The following RNF182 variants were observed in gnomAD, a reference collection of about 807,000 sequenced individuals.
The protein encoded by RNF182 is ring finger protein 182, also known as E3 ubiquitin-protein ligase RNF182.
RNF182 carries 15 observed loss-of-function variants against 14.4 expected under a neutral mutation model. The observed-to-expected ratio is 1.04, with a 90% CI of 0.70 to 1.60. RNF182 has a LOEUF of 1.60. Among genes scored for constraint, RNF182 ranks in the 40% most tolerant of loss-of-function variants. RNF182 has a pLI of 0.00. For synonymous variants in RNF182, 128 were observed against 122.9 expected (o/e 1.04, Z -0.27); for missense variants, 268 against 294.8 (o/e 0.91, Z 0.67).
intron 1 of RNF182, among the ~76,000 whole-genome samples, chr6:13,955,720 T>G (rs1335166477): frequency 1.3e-5 from 2 of 152,160 alleles, no homozygotes; most frequent in African/African-American, 2.4e-5. Context: ...GTGGTCTCTG[T>G]CTGCAGCTTT....
In RNF182 at chr6:13,976,905, A is replaced by T; in HGVS notation, c.-211-4A>T. The T allele has an allele frequency of 1.8e-6, 1 of 570,404 alleles. No individual in the cohort carries two copies. Among genetic ancestry groups the T allele is most frequent in the Non-Finnish European group, 3.1e-6 (1 of 322,830 alleles). 35.3% of individuals were successfully genotyped at this position (570,404 alleles called of 1,614,324 possible). A position where few individuals can be genotyped will look rare whatever the true frequency, so the allele number is the denominator to read the frequency against. ...TATATTAGAATCTCTTTTCTTCTTTACAGACCCTTCATGTGGCCTTTATAA... is the reference window on the plus strand; with the variant it reads ...TATATTAGAATCTCTTTTCTTCTTTTCAGACCCTTCATGTGGCCTTTATAA... On this transcript the variant is annotated splice_region_variant and splice_polypyrimidine_tract_variant and intron_variant, in intron 2 of 2. Coordinates refer to ENST00000488300, the MANE Select transcript of RNF182 (RefSeq NM_152737.4).
intron 1 of RNF182, among the ~76,000 whole-genome samples, chr6:13,966,773 C>G (rs1227126250): frequency 7.2e-6 from 1 of 139,676 alleles, no homozygotes; most frequent in South Asian, 2.7e-4. Context: ...CACCCCCCCA[C>G]CCCCCCACCA....
intron 1 of RNF182, among the ~76,000 whole-genome samples, chr6:13,933,894 T>C (rs963216587): frequency 6.6e-6 from 1 of 152,138 alleles, no homozygotes; most frequent in Admixed American, 6.5e-5. Flanking sequence ...GGCATGCGCC[T>C]GTAGTCCCAG....
At chr6:13,947,060 T>TAAAC (rs35099036) in intron 1 of RNF182, among the ~76,000 whole-genome samples, 89,630 of 128,804 alleles carry the variant, frequency 0.7, 29,263 homozygotes, top group Non-Finnish European at 0.78. Context: ...TTGTCTAAAA[T>TAAAC]TAAATAAGAG....
At chr6:13,948,866 T>C (rs1476470033) in intron 1 of RNF182, among the ~76,000 whole-genome samples, 2 of 152,094 alleles carry the variant, frequency 1.3e-5, no homozygotes, top group African/African-American at 4.8e-5. Flanking sequence ...TTTTTTTTCT[T>C]TAGTTTATTC....
intron 1 of RNF182, among the ~76,000 whole-genome samples, chr6:13,942,253 G>A (rs191343678): frequency 1.3e-5 from 2 of 152,276 alleles, no homozygotes; most frequent in Non-Finnish European, 2.9e-5. Context: ...GAAGGGTTCT[G>A]TTAAGATATG....
intron 1 of RNF182, among the ~76,000 whole-genome samples, chr6:13,968,224 T>C (rs749854648): frequency 2.0e-4 from 31 of 152,158 alleles, no homozygotes; most frequent in Non-Finnish European, 3.7e-4. Context: ...TTTAGAAGAC[T>C]ATAAGTGAGA....
chr6:13,960,943 A>G lies in RNF182; in HGVS notation c.-366-13267A>G, dbSNP rs113674335. 5.0e-3 allele frequency among the ~76,000 whole-genome samples: 756 copies of G among 152,260 alleles called. 7 individuals are homozygous for G. The highest frequency in any genetic ancestry group is 5.2e-3 in the Non-Finnish European group (357 of 68,028). ...AAGATTCAGTCATTCTTAATAATCT[A>G]ATTTTCAGGCCATATTCTTATTAAT... On this transcript the variant is annotated intron_variant, in intron 1 of 2. Coordinates refer to ENST00000488300, the MANE Select transcript of RNF182 (RefSeq NM_152737.4).
At chr6:13,962,078 A>G (rs1759898409) in intron 1 of RNF182, among the ~76,000 whole-genome samples, 1 of 152,254 alleles carries the variant, frequency 6.6e-6, no homozygotes, top group Non-Finnish European at 1.5e-5. Flanking sequence ...AAGTTCAACT[A>G]TTGTTAATGC....
intron 1 of RNF182, among the ~76,000 whole-genome samples, chr6:13,970,364 T>C (rs1245135705): frequency 1.3e-5 from 2 of 152,224 alleles, no homozygotes; most frequent in Admixed American, 6.5e-5. Context: ...TATTTGTCTT[T>C]CTGTGCCTGG....
chr6:13,972,174 A>G (rs1026892180), intron 1 of RNF182, among the ~76,000 whole-genome samples: 1 of 151,842 alleles, frequency 6.6e-6, no homozygotes, highest in African/African-American at 2.4e-5. Flanking sequence ...GCATGGTGGA[A>G]CGCGCCTGTA....
intron 1 of RNF182, among the ~76,000 whole-genome samples, chr6:13,943,692 C>T (rs575469523): frequency 1.3e-5 from 2 of 152,206 alleles, no homozygotes; most frequent in East Asian, 3.9e-4. Context: ...CAAATGTTTG[C>T]TAAGTGAATA....
At chr6:13,940,042 T>C (rs563902780) in intron 1 of RNF182, among the ~76,000 whole-genome samples, 35 of 152,352 alleles carry the variant, frequency 2.3e-4, no homozygotes, top group South Asian at 6.2e-4. Flanking sequence ...ATCTAGGACC[T>C]CAATTATAAT....
At chr6:13,942,873 T>C (rs1050035595) in intron 1 of RNF182, among the ~76,000 whole-genome samples, 2 of 152,234 alleles carry the variant, frequency 1.3e-5, no homozygotes, top group Admixed American at 6.5e-5. Flanking sequence ...TGTTCCGTTC[T>C]TATTTTTATT....
chr6:13,939,765 G>C (rs1381479476), intron 1 of RNF182, among the ~76,000 whole-genome samples: 2 of 152,042 alleles, frequency 1.3e-5, no homozygotes, highest in African/African-American at 2.4e-5. Flanking sequence ...GGATGATCTT[G>C]ATCTCCTGAC....
chr6:13,929,593 A>G (rs921551988), intron 1 of RNF182, among the ~76,000 whole-genome samples: 2 of 152,216 alleles, frequency 1.3e-5, no homozygotes, highest in African/African-American at 4.8e-5. Context: ...CCTATGGGCC[A>G]GACACTTTTC....
intron 1 of RNF182, among the ~76,000 whole-genome samples, chr6:13,935,713 A>G (rs1372218138): frequency 6.6e-6 from 1 of 152,238 alleles, no homozygotes; most frequent in African/African-American, 2.4e-5. Flanking sequence ...GATAGAAGTT[A>G]CTCAGCAATG....
At chr6:13,958,322 G>A (rs1011827210) in intron 1 of RNF182, among the ~76,000 whole-genome samples, 3 of 151,952 alleles carry the variant, frequency 2.0e-5, no homozygotes, top group Non-Finnish European at 4.4e-5. Flanking sequence ...GGAGAGGGAG[G>A]TTGCAGTGAG....
At chr6:13,972,146 A>C (rs1199885218) in intron 1 of RNF182, among the ~76,000 whole-genome samples, 1 of 151,866 alleles carries the variant, frequency 6.6e-6, no homozygotes, top group Non-Finnish European at 1.5e-5. Flanking sequence ...AAAAATACAA[A>C]AAAAAAAAAT....
Sources: gnomAD v4.1 joint callset for allele counts (sites outside exome capture counted in the v4.1 genomes callset) on GRCh38, gnomAD v4.1.1 for gene constraint, MANE v1.5 for transcripts, NCBI Gene and HGNC (gene_info 2026-07-23, HGNC 2026-07-21) for gene names.